UBE2E2: variants seen among roughly 807,000 people sequenced by gnomAD.
UBE2E2 encodes ubiquitin conjugating enzyme E2 E2, also known as ubiquitin-conjugating enzyme E2 E2.
A neutral mutation model predicts 24.7 loss-of-function variants in UBE2E2; 6 were observed. The observed-to-expected ratio is 0.24, with a 90% confidence interval of 0.13 to 0.48. The LOEUF (loss-of-function observed/expected upper bound fraction) is 0.48. Among genes scored for constraint, UBE2E2 ranks in the 20% least tolerant of loss-of-function variants. The probability of loss-of-function intolerance (pLI) is 0.99; values close to 1 mark genes in which losing one functional copy is unlikely to be tolerated. For synonymous variants in UBE2E2, 104 were observed against 83.6 expected (o/e 1.24, Z -1.33); for missense variants, 169 against 245.0 (o/e 0.69, Z 2.07).
At chr3:23,354,060 C>G (rs1038555693) in intron 3 of UBE2E2, among the ~76,000 whole-genome samples, 9 of 152,132 alleles carry the variant, frequency 5.9e-5, no homozygotes, top group Non-Finnish European at 8.8e-5. Flanking sequence ...CGGAACAGAA[C>G]AGAGCCCTCA....
chr3:23,213,538 A>G (rs938403025), intron 2 of UBE2E2, among the ~76,000 whole-genome samples: 3 of 152,096 alleles, frequency 2.0e-5, no homozygotes, highest in Middle Eastern at 3.2e-3. Context: ...TTGCTCCTTG[A>G]CTTGTCTCAG....
At chr3:23,415,476 G>A (rs1697601103) in intron 3 of UBE2E2, among the ~76,000 whole-genome samples, 1 of 152,196 alleles carries the variant, frequency 6.6e-6, no homozygotes, top group African/African-American at 2.4e-5. Flanking sequence ...TGAGGCTGGA[G>A]TACATTACAT....
At chr3:23,251,237 T>C (rs985265651) in intron 3 of UBE2E2, among the ~76,000 whole-genome samples, 11 of 152,156 alleles carry the variant, frequency 7.2e-5, no homozygotes, top group African/African-American at 2.7e-4. Context: ...TGTGCAAGCT[T>C]GTGTGGGAAT....
At chr3:23,439,617 C>A (rs1284774700) in intron 3 of UBE2E2, among the ~76,000 whole-genome samples, 2 of 152,214 alleles carry the variant, frequency 1.3e-5, no homozygotes, top group Non-Finnish European at 1.5e-5. Context: ...AATGAACTTT[C>A]TCCAGCTTGT....
At chr3:23,464,715 T>C (rs1341583778) in intron 3 of UBE2E2, among the ~76,000 whole-genome samples, 1 of 152,178 alleles carries the variant, frequency 6.6e-6, no homozygotes, top group Non-Finnish European at 1.5e-5. Flanking sequence ...ACTTCTCTAG[T>C]TACTGTAATT....
At chr3:23,381,238 A>G (rs2125350616) in intron 3 of UBE2E2, among the ~76,000 whole-genome samples, 1 of 152,334 alleles carries the variant, frequency 6.6e-6, no homozygotes, top group South Asian at 2.1e-4. Context: ...TAAGGTATAG[A>G]TTAGCTCTGG....
rs576344571 is a variant in UBE2E2 at position 23,280,284 on chromosome 3, G to T, written c.227+62972G>T. Among the ~76,000 whole-genome samples, 34 of 152,220 alleles carry T rather than the reference G, an allele frequency of 2.2e-4. No homozygotes were observed. The South Asian group carries it at 7.1e-3, about 32-fold the overall frequency. ...TGACTCTTTTTTGGTATTCAGAATT[G>T]CACCCCTTAGTGTAATTTTTAGTGG... On this transcript the variant is annotated intron_variant, in intron 3 of 5. Coordinates refer to ENST00000396703, the MANE Select transcript of UBE2E2 (RefSeq NM_152653.4). This position sits in a 1 kb window ranked among gnomAD's most constrained non-coding sequence, Gnocchi z 4.3.
At chr3:23,517,284 T>C (rs1243509265) in intron 4 of UBE2E2, among the ~76,000 whole-genome samples, 1 of 152,216 alleles carries the variant, frequency 6.6e-6, no homozygotes, top group African/African-American at 2.4e-5. Flanking sequence ...GCAATTAATA[T>C]TTAAGACTTA....
Position 23,300,969 on chromosome 3 carries a change from G to A in UBE2E2, c.227+83657G>A, listed in dbSNP as rs565625845. Among the ~76,000 whole-genome samples, 3 of 152,266 alleles carry A rather than the reference G, an allele frequency of 2.0e-5. No homozygotes were observed. In the South Asian group the frequency reaches 6.2e-4, roughly 32 times the overall value. On this transcript the variant is annotated intron_variant, in intron 3 of 5. Coordinates refer to ENST00000396703, the MANE Select transcript of UBE2E2 (RefSeq NM_152653.4). Reference sequence around the variant, plus strand: ...TTCACATAGTCCCATATTTCTTGGAGGCTTTGTTCATATCTTTTTATTCTT... The same window carrying A: ...TTCACATAGTCCCATATTTCTTGGAAGCTTTGTTCATATCTTTTTATTCTT...
At chr3:23,567,462 G>A (rs143096174) in intron 5 of UBE2E2, among the ~76,000 whole-genome samples, 25 of 152,202 alleles carry the variant, frequency 1.6e-4, no homozygotes, top group Non-Finnish European at 1.6e-4. Context: ...GATAAGAATC[G>A]AAACCTTCAG....
intron 3 of UBE2E2, among the ~76,000 whole-genome samples, chr3:23,431,494 T>C (rs965319785): frequency 8.3e-6 from 1 of 119,934 alleles, no homozygotes. Flanking sequence ...TATGGATAGA[T>C]TTAAATCATT....
chr3:23,575,219 T>A (rs1163319003), intron 5 of UBE2E2, among the ~76,000 whole-genome samples: 4 of 152,194 alleles, frequency 2.6e-5, no homozygotes, highest in Non-Finnish European at 5.9e-5. Flanking sequence ...CCAAGTTACA[T>A]TCAGAATGCT....
intron 4 of UBE2E2, among the ~76,000 whole-genome samples, chr3:23,519,519 T>G (rs954321766): frequency 1.3e-5 from 2 of 152,228 alleles, no homozygotes; most frequent in African/African-American, 4.8e-5. Context: ...CACTAGAATA[T>G]TCTGTGTGCT....
intron 4 of UBE2E2, among the ~76,000 whole-genome samples, chr3:23,502,827 A>G (rs1377291060): frequency 6.6e-6 from 1 of 152,232 alleles, no homozygotes; most frequent in Non-Finnish European, 1.5e-5. Context: ...TATGCCTTTT[A>G]CTTAACCTAT....
At position 23,208,752 on chromosome 3, in the gene UBE2E2, G is replaced by A. The variant is rs1475853379; in HGVS notation, c.53G>A (p.Ser18Asn). 1 of 1,613,738 alleles carries A rather than the reference G, an allele frequency of 6.2e-7. No individual in the cohort carries two copies. The highest frequency in any genetic ancestry group is 1.1e-5 in the South Asian group (1 of 91,028). ...VDDSPSTSGG[S>N]SDGDQRESVQ... Reference sequence around the variant, plus strand: ...GACAGTCCAAGCACTAGTGGAGGAAGTTCCGATGGAGATCAACGTGAAAGT... The same window carrying A: ...GACAGTCCAAGCACTAGTGGAGGAAATTCCGATGGAGATCAACGTGAAAGT... The change falls in exon 2 of 6, where the codon AGT becomes AAT. Residue 18 changes from serine (S) to asparagine (N), a missense_variant. Around this residue, in one of 2 missense-constraint regions of UBE2E2, gnomAD observed 64 missense variants for 64.3 expected, o/e 1.00. Transcript: ENST00000396703.
Position 23,346,287 on chromosome 3 carries a change from C to T in UBE2E2, c.227+128975C>T, listed in dbSNP as rs541969683. Among the ~76,000 whole-genome samples, 3 of 151,980 alleles carry T rather than the reference C, an allele frequency of 2.0e-5. No homozygotes were observed. In the East Asian group the frequency reaches 5.8e-4, roughly 29 times the overall value. On this transcript the variant is annotated intron_variant, in intron 3 of 5. Transcript: ENST00000396703. ...AATTTGTCCAACATTTGGTAAATGC[C>T]CTTAGTTGAATCGTTAATATCCTAG... is the stretch of plus-strand genomic sequence containing the variant.
At chr3:23,348,377 G>A (rs569220081) in intron 3 of UBE2E2, among the ~76,000 whole-genome samples, 12 of 145,580 alleles carry the variant, frequency 8.2e-5, no homozygotes, top group Non-Finnish European at 1.5e-4. Flanking sequence ...ATAGTCCATA[G>A]GCTAAAGCTT....
intron 3 of UBE2E2, among the ~76,000 whole-genome samples, chr3:23,487,054 A>C (rs1213516473): frequency 6.6e-6 from 1 of 152,226 alleles, no homozygotes; most frequent in Non-Finnish European, 1.5e-5. Flanking sequence ...CTGCAGGCCC[A>C]TGCTGAGCTT....
At chr3:23,281,956 A>G (rs1170967881) in intron 3 of UBE2E2, among the ~76,000 whole-genome samples, 1 of 152,190 alleles carries the variant, frequency 6.6e-6, no homozygotes, top group Non-Finnish European at 1.5e-5. Context: ...TTTGAATGCA[A>G]TTTCAGTCTA....
Sources: gnomAD v4.1 joint callset for allele counts (sites outside exome capture counted in the v4.1 genomes callset) on GRCh38, gnomAD v4.1.1 for gene constraint, gnomAD v4.1.1 regional missense constraint, Gnocchi (gnomAD v3.1) non-coding constraint, MANE v1.5 for transcripts, NCBI Gene and HGNC (gene_info 2026-07-23, HGNC 2026-07-21) for gene names.